The following SCAP variants were observed in gnomAD, a reference collection of about 807,000 sequenced individuals.
SCAP encodes the protein SREBF chaperone.
A neutral mutation model predicts 123.6 loss-of-function variants in SCAP; 65 were observed. The ratio of observed to expected loss-of-function variants is 0.53; its 90% CI spans 0.43 to 0.65. The LOEUF (loss-of-function observed/expected upper bound fraction) is 0.65. SCAP is among the 30% of genes least tolerant of loss of function. SCAP has a pLI of 0.00. For missense variants in SCAP, 1,398 were observed against 1,712.5 expected, an observed-to-expected ratio of 0.82 and a Z score of 3.24; for synonymous variants, 740 against 726.3, an observed-to-expected ratio of 1.02 and a Z score of -0.30.
chr3:47,456,823 G>C (rs778680277), intron 1 of SCAP, among the ~76,000 whole-genome samples: 22 of 151,832 alleles, frequency 1.4e-4, no homozygotes, highest in Admixed American at 2.6e-4. Context: ...AAATACAACT[G>C]CAATTCATAT....
At chr3:47,444,622 C>T (rs1369609523) in intron 1 of SCAP, among the ~76,000 whole-genome samples, 2 of 151,862 alleles carry the variant, frequency 1.3e-5, no homozygotes, top group African/African-American at 4.8e-5. Context: ...TACAGGTGTG[C>T]ACCACCATGC....
chr3:47,467,833 G>A (rs889417422), intron 1 of SCAP, among the ~76,000 whole-genome samples: 2 of 151,774 alleles, frequency 1.3e-5, no homozygotes, highest in East Asian at 1.9e-4. Context: ...CCGTTAACTC[G>A]TCATTTACAT....
chr3:47,435,465 A>AACACACACACACACAC (rs749684765), intron 2 of SCAP, among the ~76,000 whole-genome samples: 23 of 121,480 alleles, frequency 1.9e-4, no homozygotes, highest in Non-Finnish European at 3.4e-4. Context: ...ATATAATATA[A>AACACACACACACACAC]ACATACACAC....
intron 1 of SCAP, among the ~76,000 whole-genome samples, chr3:47,463,237 G>A (rs1232240992): frequency 6.6e-6 from 1 of 152,122 alleles, no homozygotes; most frequent in Non-Finnish European, 1.5e-5. Flanking sequence ...GGTTACAACA[G>A]TTTTACCTCC....
At chr3:47,462,119 T>A (rs1368756270) in intron 1 of SCAP, among the ~76,000 whole-genome samples, 5 of 152,136 alleles carry the variant, frequency 3.3e-5, no homozygotes, top group East Asian at 1.9e-4. Flanking sequence ...TAAAAAAAAA[T>A]TATTAACATA....
At chr3:47,438,326 C>A (rs1401608993) in intron 2 of SCAP, among the ~76,000 whole-genome samples, 1 of 152,058 alleles carries the variant, frequency 6.6e-6, no homozygotes, top group Non-Finnish European at 1.5e-5. Flanking sequence ...CACTCAAAAA[C>A]CATTTATTAA....
intron 3 of SCAP, among the ~76,000 whole-genome samples, chr3:47,432,815 G>A (rs1047317350): frequency 5.3e-5 from 8 of 152,108 alleles, no homozygotes; most frequent in Non-Finnish European, 1.0e-4. Context: ...TTACAGGTAT[G>A]CACCACTGCA....
chr3:47,472,775 C>A (rs1309680984), intron 1 of SCAP, among the ~76,000 whole-genome samples: 1 of 151,932 alleles, frequency 6.6e-6, no homozygotes, highest in African/African-American at 2.4e-5. Context: ...CCTTACCTGC[C>A]AATGAGCAAC....
At chr3:47,434,788 G>A (rs570964994) in intron 3 of SCAP, 2 of 462,510 alleles carry the variant, frequency 4.3e-6, no homozygotes, top group South Asian at 5.4e-5. Flanking sequence ...AGTGAGCCGA[G>A]ATTGTGCCAT....
chr3:47,433,953 C>G lies in SCAP; in HGVS notation c.252+1055G>C, dbSNP rs542455001. Among the ~76,000 whole-genome samples, 18 of 152,308 alleles carry G rather than the reference C, an allele frequency of 1.2e-4. No homozygotes were observed. The South Asian group carries it at 3.5e-3, about 30-fold the overall frequency. On this transcript the variant is annotated intron_variant, in intron 3 of 22. Transcript: ENST00000265565. ...ATGAGCCAGTGAGCCAATGGCCAAC[C>G]TGGGACATAAAGCCACAAAACTGGT...
At chr3:47,435,961 G>A (rs1479082336) in intron 2 of SCAP, among the ~76,000 whole-genome samples, 3 of 151,824 alleles carry the variant, frequency 2.0e-5, no homozygotes, top group African/African-American at 7.3e-5. Flanking sequence ...TAGGTGGGAG[G>A]ACTGCTTAAG....
In SCAP at chr3:47,414,555, A is replaced by C; in HGVS notation, c.3387+17T>G. 1 of 1,613,006 alleles carries C rather than the reference A, an allele frequency of 6.2e-7. No homozygotes were observed. The highest frequency in any genetic ancestry group is 8.5e-7 in the Non-Finnish European group (1 of 1,179,804). ...CCACAGACTCTGTACCCCCTACCCC[A>C]CCTGCAGGCCGCTTACCTGGTCAAT... On this transcript the variant is annotated intron_variant, in intron 21 of 22. Transcript: ENST00000265565.
intron 21 of SCAP, 38 bp from the exon 22 acceptor site, chr3:47,414,424 G>T: frequency 2.5e-6 from 4 of 1,608,420 alleles, no homozygotes; most frequent in Non-Finnish European, 3.4e-6. Flanking sequence ...TCACCATGGT[G>T]TAATACCTCT....
At chr3:47,418,111 G>T in intron 16 of SCAP, 23 bp downstream of exon 16, 1 of 1,535,106 alleles carries the variant, frequency 6.5e-7, no homozygotes, top group Non-Finnish European at 8.8e-7. Context: ...GGGCACAAAG[G>T]AGGAAAGGGC....
chr3:47,472,161 C>T (rs958649390), intron 1 of SCAP, among the ~76,000 whole-genome samples: 8 of 148,838 alleles, frequency 5.4e-5, no homozygotes, highest in African/African-American at 2.0e-4. Flanking sequence ...GGGCCGGGCG[C>T]GGTGGCTCAC....
chr3:47,415,082 C>T lies in SCAP; in HGVS notation c.3139+16G>A, dbSNP rs368689544. 4 of 1,594,842 alleles carry T rather than the reference C, an allele frequency of 2.5e-6. No individual in the cohort carries two copies. The highest frequency in any genetic ancestry group is 8.5e-7 in the Non-Finnish European group (1 of 1,172,934). The stretch of plus-strand genomic sequence containing the variant: ...CCCACCAAGTGTGAACACCTGCCCA[C>T]CCCAGGCCCTCCGACCTCTAAACTG... On this transcript the variant is annotated intron_variant, in intron 19 of 22. Transcript: ENST00000265565.
intron 7 of SCAP, 124 bp downstream of exon 7, chr3:47,425,873 C>G: frequency 8.7e-7 from 1 of 1,145,190 alleles, no homozygotes; most frequent in Admixed American, 2.3e-5. Flanking sequence ...AGCCCTAGCT[C>G]TGATGACCAC....
chr3:47,422,126 G>C (rs1431600851), intron 10 of SCAP, among the ~76,000 whole-genome samples: 1 of 152,264 alleles, frequency 6.6e-6, no homozygotes, highest in Admixed American at 6.5e-5. Context: ...CTCCTGCCAT[G>C]CCCTTGCAGC....
At chr3:47,434,123 A>G (rs1706474441) in intron 3 of SCAP, among the ~76,000 whole-genome samples, 1 of 152,184 alleles carries the variant, frequency 6.6e-6, no homozygotes, top group African/African-American at 2.4e-5. Context: ...ATATGCCTCT[A>G]TTTCAGCCGC....
Sources: gnomAD v4.1 joint callset for allele counts (sites outside exome capture counted in the v4.1 genomes callset) on GRCh38, gnomAD v4.1.1 for gene constraint, MANE v1.5 for transcripts, NCBI Gene and HGNC (gene_info 2026-07-23, HGNC 2026-07-21) for gene names.